Variants in EPB41L5 observed in about 807,000 individuals in gnomAD.
EPB41L5 encodes the protein erythrocyte membrane protein band 4.1 like 5, also known as band 4.1-like protein 5.
A neutral mutation model predicts 106.6 loss-of-function variants in EPB41L5; 55 were observed. That is an observed-to-expected ratio of 0.52 (90% CI 0.42 to 0.65). The LOEUF (loss-of-function observed/expected upper bound fraction) is 0.65. Among genes scored for constraint, EPB41L5 ranks in the 30% least tolerant of loss-of-function variants. The probability of loss-of-function intolerance (pLI) is 0.00; values close to 1 mark genes in which losing one functional copy is unlikely to be tolerated. For synonymous variants in EPB41L5, 297 were observed against 306.7 expected, an observed-to-expected ratio of 0.97 and a Z score of 0.33; for missense variants, 871 against 882.1, an observed-to-expected ratio of 0.99 and a Z score of 0.16.
intron 10 of EPB41L5, among the ~76,000 whole-genome samples, chr2:120,086,622 TGTG>T (rs1458013321): frequency 6.6e-6 from 1 of 151,932 alleles, no homozygotes; most frequent in African/African-American, 2.4e-5. Context: ...ATTAGCCTGG[TGTG>T]GTGTGGGAGT....
intron 1 of EPB41L5, among the ~76,000 whole-genome samples, chr2:120,016,291 G>A (rs1487822439): frequency 3.3e-5 from 5 of 152,052 alleles, no homozygotes; most frequent in Non-Finnish European, 1.5e-5. Context: ...TTAGCTGGGC[G>A]TGGTGGCTGG....
chr2:120,175,950 A>G lies in EPB41L5; in HGVS notation c.*1043A>G, dbSNP rs1687905723. 1.3e-5 allele frequency: 2 copies of G among 152,354 alleles called. No individual in the cohort carries two copies. The highest frequency in any genetic ancestry group is 1.5e-5 in the Non-Finnish European group (1 of 68,048). 9.4% of individuals were successfully genotyped at this position (152,354 alleles called of 1,614,324 possible). A position where few individuals can be genotyped will look rare whatever the true frequency, so the allele number is the denominator to read the frequency against. ...GGATGTTGTTTCTTAAATACCTACC[A>G]TGTATGAAGCTATACACAGCATATA... is the stretch of plus-strand genomic sequence containing the variant. On this transcript the variant is annotated 3_prime_UTR_variant, in exon 25 of 25. Transcript: ENST00000263713.
chr2:120,118,517 C>A (rs974281284), intron 16 of EPB41L5, among the ~76,000 whole-genome samples: 1 of 151,974 alleles, frequency 6.6e-6, no homozygotes, highest in African/African-American at 2.4e-5. Flanking sequence ...CTCCCCCACA[C>A]CCCCGACAGG....
intron 2 of EPB41L5, among the ~76,000 whole-genome samples, chr2:120,026,628 C>T (rs2105151726): frequency 6.6e-6 from 1 of 152,234 alleles, no homozygotes; most frequent in Middle Eastern, 3.4e-3. Flanking sequence ...CTTGGACTCC[C>T]AAATTGTTGG....
At chr2:120,104,383 T>C in intron 16 of EPB41L5, 1 of 1,393,310 alleles carries the variant, frequency 7.2e-7, no homozygotes, top group Non-Finnish European at 9.3e-7. Context: ...TGTTTGTAAT[T>C]GAATTCTTCC....
chr2:120,020,606 T>A (rs1183893001), intron 2 of EPB41L5, among the ~76,000 whole-genome samples: 1 of 152,170 alleles, frequency 6.6e-6, no homozygotes, highest in African/African-American at 2.4e-5. Flanking sequence ...ATGAGATATT[T>A]TGTGAGGATA....
In EPB41L5 at chr2:120,160,789, T is replaced by G. The variant is rs570858114; in HGVS notation, c.1794-92T>G. 6 of 838,100 alleles carry G rather than the reference T, an allele frequency of 7.2e-6. No individual in the cohort carries two copies. In the East Asian group the frequency reaches 1.5e-4, roughly 21 times the overall value. The allele number at this position is 838,100 out of a possible 1,614,324, so 51.9% of individuals were successfully genotyped here. On this transcript the variant is annotated intron_variant, in intron 20 of 24. Transcript: ENST00000263713. ...TTCATATACCTTCCCCTACATGAAT[T>G]TGTTGCACTTCTTTCCTAAGCCCTT...
At position 120,040,929 on chromosome 2, in the gene EPB41L5, A is replaced by T. The variant is rs182368188; in HGVS notation, c.181-1077A>T. 1.4e-3 allele frequency among the ~76,000 whole-genome samples: 207 copies of T among 152,266 alleles called. 2 individuals are homozygous for T. Among genetic ancestry groups the T allele is most frequent in the South Asian group, 6.2e-3 (30 of 4,820 alleles). On this transcript the variant is annotated intron_variant, in intron 2 of 24. Coordinates refer to ENST00000263713, the MANE Select transcript of EPB41L5 (RefSeq NM_020909.4). ...TTAATAGGAAAATACTATAAATCAC[A>T]ATTTAGAATTCTACAGATGGGAGAG...
chr2:120,135,366 A>G (rs1357929820), intron 18 of EPB41L5, among the ~76,000 whole-genome samples: 1 of 152,176 alleles, frequency 6.6e-6, no homozygotes, highest in African/African-American at 2.4e-5. Flanking sequence ...GATGTGGTAG[A>G]AAGTTTGTTC....
chr2:120,032,770 C>T (rs1678800100), intron 2 of EPB41L5, among the ~76,000 whole-genome samples: 1 of 152,134 alleles, frequency 6.6e-6, no homozygotes, highest in South Asian at 2.1e-4. Flanking sequence ...AACAACTCAC[C>T]CTCATTTCTT....
At chr2:120,082,393 A>T (rs549453724) in intron 10 of EPB41L5, among the ~76,000 whole-genome samples, 1 of 152,184 alleles carries the variant, frequency 6.6e-6, no homozygotes, top group South Asian at 2.1e-4. Context: ...AGTTCTGTTT[A>T]TATGCTGGAT....
chr2:120,060,071 A>G (rs539035014), intron 3 of EPB41L5, among the ~76,000 whole-genome samples: 18 of 152,338 alleles, frequency 1.2e-4, no homozygotes, highest in African/African-American at 3.8e-4. Flanking sequence ...TTTTCACTAC[A>G]CATCTATCAA....
At chr2:120,066,481 A>G (rs994470456) in intron 3 of EPB41L5, among the ~76,000 whole-genome samples, 2 of 152,206 alleles carry the variant, frequency 1.3e-5, no homozygotes, top group African/African-American at 4.8e-5. Context: ...GTGGATATAT[A>G]GTGCTCTATT....
intron 3 of EPB41L5, among the ~76,000 whole-genome samples, chr2:120,049,396 G>T (rs1387397840): frequency 1.3e-5 from 2 of 152,162 alleles, no homozygotes; most frequent in African/African-American, 4.8e-5. Flanking sequence ...TTGTTGAATT[G>T]ATCCCTTTAC....
intron 20 of EPB41L5, among the ~76,000 whole-genome samples, chr2:120,149,095 T>G (rs1222510818): frequency 6.6e-6 from 1 of 152,186 alleles, no homozygotes; most frequent in African/African-American, 2.4e-5. Context: ...GTGGTTTGAT[T>G]TGCATTTACC....
chr2:120,098,935 T>C (rs1251384738), intron 14 of EPB41L5, among the ~76,000 whole-genome samples: 1 of 152,234 alleles, frequency 6.6e-6, no homozygotes, highest in East Asian at 1.9e-4. Flanking sequence ...TGTTGGCTGG[T>C]TATAAAATAA....
At chr2:120,017,629 G>A (rs922893838) in intron 1 of EPB41L5, among the ~76,000 whole-genome samples, 1 of 152,052 alleles carries the variant, frequency 6.6e-6, no homozygotes, top group African/African-American at 2.4e-5. Flanking sequence ...AAGGAAAAAA[G>A]CATTAAAGTA....
intron 10 of EPB41L5, among the ~76,000 whole-genome samples, chr2:120,082,013 A>C (rs1682705485): frequency 6.6e-6 from 1 of 152,164 alleles, no homozygotes; most frequent in East Asian, 1.9e-4. Flanking sequence ...TTTTGGGCTG[A>C]GATGATGGGG....
intron 2 of EPB41L5, among the ~76,000 whole-genome samples, chr2:120,039,850 A>G (rs1679290782): frequency 6.6e-6 from 1 of 151,390 alleles, no homozygotes; most frequent in South Asian, 2.1e-4. Context: ...AAAAAAAAGA[A>G]GAAAGTAATT....
Sources: allele counts gnomAD v4.1 joint callset (sites outside exome capture counted in the v4.1 genomes callset), GRCh38; gene constraint gnomAD v4.1.1; transcripts MANE v1.5; gene names NCBI Gene and HGNC (gene_info 2026-07-23, HGNC 2026-07-21).